TTF1: variants seen among roughly 807,000 people sequenced by gnomAD.
TTF1 encodes the protein transcription termination factor, RNA polymerase I.
TTF1 carries 64 observed loss-of-function variants against 80.2 expected under a neutral mutation model. That is an observed-to-expected ratio of 0.80 (90% CI 0.65 to 0.98). The LOEUF is 0.98. Among genes scored for constraint, TTF1 ranks in the 50% least tolerant of loss-of-function variants. The probability of loss-of-function intolerance (pLI) is 0.00; values close to 1 mark genes in which losing one functional copy is unlikely to be tolerated. For missense variants in TTF1, 1,023 were observed against 1,086.2 expected (o/e 0.94, Z 0.82); for synonymous variants, 372 against 382.7 (o/e 0.97, Z 0.33).
chr9:132,377,423 T>C (rs1054958089), intron 10 of TTF1, among the ~76,000 whole-genome samples: 1 of 98,808 alleles, frequency 1.0e-5, no homozygotes, highest in Non-Finnish European at 2.1e-5. Context: ...TGTGAGTGCA[T>C]GCATGTGGTG....
Position 132,390,835 on chromosome 9 carries a change from T to TAGATATAAAA in TTF1, c.1988-14_1988-5dup. On this transcript the variant is annotated splice_region_variant and splice_polypyrimidine_tract_variant and intron_variant, in intron 6 of 10. Transcript: ENST00000334270. ...CTCCAAGCACCACGATTTCTTTCTG[T>TAGATATAAAA]AGATATAAAAAGATGGTCTTATAGT... is the stretch of plus-strand genomic sequence containing the variant. The TAGATATAAAA allele has an allele frequency of 6.2e-7, 1 of 1,612,446 alleles. No individual in the cohort carries two copies. Among genetic ancestry groups the TAGATATAAAA allele is most frequent in the Non-Finnish European group, 8.5e-7 (1 of 1,179,270 alleles).
chr9:132,376,255 T>C lies in TTF1; in HGVS notation c.2465-87A>G, dbSNP rs986067828. ...AGGCATACAGGAGGCTGGTAATGAA[T>C]ATGAACTGCTCTTGTTATTGCTGTG... On this transcript the variant is annotated intron_variant, in intron 10 of 10. Coordinates refer to ENST00000334270, the MANE Select transcript of TTF1 (RefSeq NM_007344.4). The C allele has an allele frequency of 1.5e-5, 21 of 1,368,206 alleles. No homozygotes were observed. The African/African-American group carries it at 3.1e-4, about 20-fold the overall frequency. 84.8% of individuals were successfully genotyped at this position (1,368,206 alleles called of 1,614,324 possible).
Position 132,386,605 on chromosome 9 carries a change from C to T in TTF1, c.2329G>A (p.Val777Met), listed in dbSNP as rs141141589. ...SLIERLYEIN[V>M]EDTNEIDWED... ...CAGTCTATTTCATTAGTATCTTCCA[C>T]ATTTATTTCATACAACCTGTGAGAA... The change falls in exon 9 of 11, where the codon GTG becomes ATG. Residue 777 changes from valine to methionine, a missense_variant. By Grantham distance (21) the Val-to-Met change is conservative (BLOSUM62 1). Coordinates refer to ENST00000334270, the MANE Select transcript of TTF1 (RefSeq NM_007344.4). 6.8e-6 allele frequency: 11 copies of T among 1,612,188 alleles called. No individual in the cohort carries two copies. The African/African-American group carries it at 1.1e-4, about 16-fold the overall frequency.
chr9:132,402,896 C>T, intron 1 of TTF1, 68 bp from the exon 2 acceptor site: 3 of 1,462,310 alleles, frequency 2.1e-6, no homozygotes, highest in Non-Finnish European at 1.8e-6. Flanking sequence ...CACTCTGTCG[C>T]CCAGGCTGGA....
intron 6 of TTF1, 138 bp from the exon 7 acceptor site, chr9:132,390,969 T>C (rs1849549638): frequency 1.4e-6 from 1 of 729,994 alleles, no homozygotes; most frequent in Non-Finnish European, 2.2e-6. Flanking sequence ...CAAACACAAT[T>C]ATGTGCATAT....
In TTF1 at chr9:132,396,460, ATCT is replaced by A. The variant is rs765089719; in HGVS notation, c.1826_1828del (p.Lys609del). On this transcript the variant is annotated inframe_deletion, in exon 5 of 11. Coordinates refer to ENST00000334270, the MANE Select transcript of TTF1 (RefSeq NM_007344.4). The stretch of plus-strand genomic sequence containing the variant: ...GCCTTTGTAATTGTTGACATCGAAC[ATCT>A]TCTTTGCTCGATAGTATATAAGTTT... The A allele has an allele frequency of 6.2e-7, 1 of 1,614,196 alleles. No homozygotes were observed. Among genetic ancestry groups the A allele is most frequent in the Non-Finnish European group, 8.5e-7 (1 of 1,180,028 alleles).
intron 9 of TTF1, among the ~76,000 whole-genome samples, chr9:132,383,381 A>G (rs1199338845): frequency 6.6e-6 from 1 of 152,204 alleles, no homozygotes; most frequent in Admixed American, 6.5e-5. Flanking sequence ...TACTATATCA[A>G]TGTGAAACTT....
chr9:132,395,053 G>A (rs1254549903), intron 5 of TTF1, among the ~76,000 whole-genome samples: 1 of 151,946 alleles, frequency 6.6e-6, no homozygotes, highest in East Asian at 1.9e-4. Flanking sequence ...TTAGCCGGGC[G>A]TGGTGGTGGG....
chr9:132,395,928 G>A (rs572333), intron 5 of TTF1, among the ~76,000 whole-genome samples: 234 of 152,292 alleles, frequency 1.5e-3, no homozygotes, highest in African/African-American at 5.2e-3. Flanking sequence ...ATTATAATCC[G>A]ATATTGTATT....
At chr9:132,396,537 A>C (rs1255303108) in intron 4 of TTF1, 26 bp from the exon 5 acceptor site, 2 of 1,602,940 alleles carry the variant, frequency 1.2e-6, no homozygotes, top group African/African-American at 2.7e-5. Context: ...AGGTGATCAG[A>C]GGGACTCACA....
chr9:132,378,250 TGTG>T (rs199740635), intron 10 of TTF1, among the ~76,000 whole-genome samples: 7,439 of 123,928 alleles, frequency 0.06, 346 homozygotes, highest in Non-Finnish European at 0.092. Context: ...TGTGAGTGCA[TGTG>T]GTGTGTGTGA....
Position 132,402,016 on chromosome 9 carries a change from G to A in TTF1, c.806C>T (p.Pro269Leu). The part of the protein sequence containing the change: ...LDDETPQLLG[P>L]THKKKSKKKK... Reference sequence around the variant, plus strand: ...TTTCTTAGACTTTTTTTTGTGAGTAGGTCCTAGTAGTTGTGGAGTTTCATC... The same window carrying A: ...TTTCTTAGACTTTTTTTTGTGAGTAAGTCCTAGTAGTTGTGGAGTTTCATC... Residue 269 changes from proline to leucine, a missense_variant, in exon 2 of 11, where the codon CCT (proline) becomes CTT (leucine). By Grantham distance (98) the Pro-to-Leu change is moderately conservative. Coordinates refer to ENST00000334270, the MANE Select transcript of TTF1 (RefSeq NM_007344.4). The A allele has an allele frequency of 2.5e-6, 4 of 1,613,914 alleles. No homozygotes were observed. The highest frequency in any genetic ancestry group is 3.4e-6 in the Non-Finnish European group (4 of 1,179,992).
At chr9:132,382,684 C>T (rs1220557951) in intron 9 of TTF1, among the ~76,000 whole-genome samples, 1 of 150,956 alleles carries the variant, frequency 6.6e-6, no homozygotes, top group Non-Finnish European at 1.5e-5. Flanking sequence ...GTAATCCCAG[C>T]ACTTTGAGAG....
intron 5 of TTF1, 101 bp downstream of exon 5, chr9:132,396,332 C>T (rs1009250338): frequency 9.1e-6 from 11 of 1,205,610 alleles, no homozygotes; most frequent in South Asian, 1.3e-5. Flanking sequence ...CACAAATCTG[C>T]GTTATCTTTA....
rs543006241 is a variant in TTF1 at position 132,397,653 on chromosome 9, G to A, written c.1777+488C>T. ...TTTTCACCCTAAACTTGGGAGACAT[G>A]AACACATTCCAAATCCCAGAAAGTA... is the stretch of plus-strand genomic sequence containing the variant. On this transcript the variant is annotated intron_variant, in intron 4 of 10. Transcript: ENST00000334270. Among the ~76,000 whole-genome samples, 12 of 152,324 alleles carry A rather than the reference G, an allele frequency of 7.9e-5. No individual in the cohort carries two copies. In the South Asian group the frequency reaches 1.7e-3, roughly 21 times the overall value.
chr9:132,390,699 C>T lies in TTF1; in HGVS notation c.2120G>A (p.Ser707Asn), dbSNP rs780210760. The T allele has an allele frequency of 5.0e-6, 8 of 1,614,080 alleles. No homozygotes were observed. The highest frequency in any genetic ancestry group is 6.8e-6 in the Non-Finnish European group (8 of 1,180,058). Reference protein sequence around the residue: ...VDSKLQENPESCLSIVREKLY... With the variant: ...VDSKLQENPENCLSIVREKLY... ...TTTTTCCCGAACAATTGATAGGCAA[C>T]TTTCAGGATTTTCTTGGAGTTTGGA... is the stretch of plus-strand genomic sequence containing the variant. The change falls in exon 7 of 11, where the codon AGT becomes AAT. Residue 707 changes from serine to asparagine, a missense_variant. Transcript: ENST00000334270.
intron 10 of TTF1, among the ~76,000 whole-genome samples, chr9:132,377,612 G>C (rs1368123659): frequency 8.1e-6 from 1 of 122,996 alleles, no homozygotes; most frequent in Non-Finnish European, 1.7e-5. Flanking sequence ...GTGTGTGAAT[G>C]CATGTGGTGT....
chr9:132,404,415 G>C (rs1849824876), intron 1 of TTF1, among the ~76,000 whole-genome samples: 2 of 152,004 alleles, frequency 1.3e-5, no homozygotes, highest in African/African-American at 4.8e-5. Flanking sequence ...TGCAACAAAG[G>C]AAGTGTCCCT....
At chr9:132,387,961 A>T (rs1849498606) in intron 8 of TTF1, among the ~76,000 whole-genome samples, 178 bp downstream of exon 8, 3 of 152,238 alleles carry the variant, frequency 2.0e-5, no homozygotes, top group Admixed American at 2.0e-4. Flanking sequence ...TCAGTAGATG[A>T]GTTAAGATGA....
Sources: gnomAD v4.1 joint callset for allele counts (sites outside exome capture counted in the v4.1 genomes callset) on GRCh38, gnomAD v4.1.1 for gene constraint, MANE v1.5 for transcripts, NCBI Gene and HGNC (gene_info 2026-07-23, HGNC 2026-07-21) for gene names.